The following CNTN5 variants were observed in gnomAD, a reference collection of about 807,000 sequenced individuals.
CNTN5 encodes contactin 5.
A neutral mutation model predicts 129.1 loss-of-function variants in CNTN5; 77 were observed. That is an observed-to-expected ratio of 0.60 (90% CI 0.50 to 0.72). The LOEUF is 0.72. Among genes scored for constraint, CNTN5 ranks in the 30% least tolerant of loss-of-function variants. The probability of loss-of-function intolerance (pLI) is 0.00; values close to 1 mark genes in which losing one functional copy is unlikely to be tolerated. For missense variants in CNTN5, 1,478 were observed against 1,328.8 expected (o/e 1.11, Z -1.75); for synonymous variants, 509 against 465.6 (o/e 1.09, Z -1.20).
chr11:99,863,621 A>C (rs140452464), intron 6 of CNTN5, among the ~76,000 whole-genome samples: 2 of 152,190 alleles, frequency 1.3e-5, no homozygotes, highest in Non-Finnish European at 2.9e-5. Flanking sequence ...TGTTGTACTC[A>C]TCTTAAAAGA....
chr11:100,031,441 G>A (rs944411066), intron 9 of CNTN5, among the ~76,000 whole-genome samples: 3 of 152,094 alleles, frequency 2.0e-5, no homozygotes, highest in South Asian at 2.1e-4. Context: ...AATGGAATGC[G>A]ACCCTTGTGG....
intron 1 of CNTN5, among the ~76,000 whole-genome samples, chr11:99,133,472 C>T (rs976702200): frequency 1.3e-5 from 2 of 151,738 alleles, no homozygotes; most frequent in African/African-American, 4.8e-5. Flanking sequence ...AACAGACAAC[C>T]TACAGATTGG....
intron 4 of CNTN5, among the ~76,000 whole-genome samples, chr11:99,828,250 C>A (rs991424614): frequency 2.0e-5 from 3 of 152,132 alleles, no homozygotes; most frequent in Non-Finnish European, 4.4e-5. Context: ...ATGGCTACTG[C>A]TTCTTTGTAA....
intron 21 of CNTN5, among the ~76,000 whole-genome samples, chr11:100,314,887 GT>G (rs1951547462): frequency 6.6e-6 from 1 of 151,990 alleles, no homozygotes; most frequent in Non-Finnish European, 1.5e-5. Context: ...CTGGCTTTCT[GT>G]ATGTTTCATT....
chr11:99,483,812 C>A (rs1945700425), intron 2 of CNTN5, among the ~76,000 whole-genome samples: 1 of 152,070 alleles, frequency 6.6e-6, no homozygotes, highest in South Asian at 2.1e-4. Flanking sequence ...CTGGGCTAAG[C>A]ACAGTCTCTT....
chr11:100,047,760 G>C (rs947938928), intron 9 of CNTN5, among the ~76,000 whole-genome samples: 3 of 152,236 alleles, frequency 2.0e-5, no homozygotes, highest in South Asian at 2.1e-4. Context: ...TGAATCAGTA[G>C]ATTGAGTAAG....
At chr11:99,591,611 T>C (rs1378879982) in intron 3 of CNTN5, among the ~76,000 whole-genome samples, 1 of 152,170 alleles carries the variant, frequency 6.6e-6, no homozygotes, top group Non-Finnish European at 1.5e-5. Flanking sequence ...GTGCTGGAAT[T>C]ACAGGCGTGA....
chr11:99,266,390 A>C (rs2135841058), intron 1 of CNTN5, among the ~76,000 whole-genome samples: 1 of 152,138 alleles, frequency 6.6e-6, no homozygotes, highest in South Asian at 2.1e-4. Context: ...CTTGAGGCCA[A>C]GAATTCAAGA....
chr11:100,036,562 A>G (rs1942023151), intron 9 of CNTN5, among the ~76,000 whole-genome samples: 1 of 144,640 alleles, frequency 6.9e-6, no homozygotes, highest in Admixed American at 7.0e-5. Flanking sequence ...CTTGGGCAGT[A>G]TGGCCATTTT....
rs140731674 is a variant in CNTN5 at position 99,913,714 on chromosome 11, A to G, written c.578-2340A>G. On this transcript the variant is annotated intron_variant, in intron 6 of 24. Coordinates refer to ENST00000524871, the MANE Select transcript of CNTN5 (RefSeq NM_014361.4). ...ATTTCTAGGGCATGCCTGTACTTCA[A>G]TTCCTCAGAAATAGGCATTAATTTA... 3.9e-3 allele frequency among the ~76,000 whole-genome samples: 597 copies of G among 152,208 alleles called. 2 individuals carry two copies. Among genetic ancestry groups the G allele is most frequent in the African/African-American group, 0.013 (556 of 41,530 alleles).
chr11:99,275,876 C>A (rs909928660), intron 1 of CNTN5, among the ~76,000 whole-genome samples: 2 of 151,532 alleles, frequency 1.3e-5, no homozygotes, highest in Non-Finnish European at 3.0e-5. Flanking sequence ...AAGGCCTATC[C>A]TTTTGATGGG....
intron 13 of CNTN5, among the ~76,000 whole-genome samples, chr11:100,168,948 G>A (rs559238202): frequency 2.6e-5 from 4 of 152,042 alleles, no homozygotes; most frequent in South Asian, 4.1e-4. Flanking sequence ...TGACTCTGAG[G>A]AGTTCAAGAC....
intron 3 of CNTN5, among the ~76,000 whole-genome samples, chr11:99,716,498 CCTT>C (rs1331016296): frequency 7.2e-5 from 11 of 152,066 alleles, no homozygotes; most frequent in South Asian, 2.1e-4. Context: ...ACATTAATCA[CCTT>C]CTTTTCATGC....
intron 8 of CNTN5, among the ~76,000 whole-genome samples, chr11:99,961,003 G>A (rs573650602): frequency 6.6e-6 from 1 of 151,938 alleles, no homozygotes; most frequent in Non-Finnish European, 1.5e-5. Flanking sequence ...AGGAGTTCAA[G>A]ACCAACCCAA....
intron 1 of CNTN5, among the ~76,000 whole-genome samples, chr11:99,027,876 C>T (rs1049419171): frequency 6.6e-6 from 1 of 151,348 alleles, no homozygotes; most frequent in Non-Finnish European, 1.5e-5. Context: ...AAAGATGGCG[C>T]GATAAGTGTA....
chr11:99,369,918 A>G (rs915620361), intron 2 of CNTN5, among the ~76,000 whole-genome samples: 5 of 152,150 alleles, frequency 3.3e-5, no homozygotes, highest in African/African-American at 9.7e-5. Flanking sequence ...TATGCAATGA[A>G]GAAAAAAGTT....
intron 2 of CNTN5, among the ~76,000 whole-genome samples, chr11:99,552,898 A>G (rs900124012): frequency 6.6e-6 from 1 of 152,156 alleles, no homozygotes; most frequent in East Asian, 1.9e-4. Flanking sequence ...CTAACTTGTA[A>G]CCAAGTGGAA....
chr11:99,204,049 A>G (rs773162126), intron 1 of CNTN5, among the ~76,000 whole-genome samples: 2 of 152,202 alleles, frequency 1.3e-5, no homozygotes, highest in Non-Finnish European at 2.9e-5. Flanking sequence ...ACTCTTCTAT[A>G]TAGACATTTT....
intron 2 of CNTN5, among the ~76,000 whole-genome samples, chr11:99,402,001 G>A (rs1941836131): frequency 6.6e-6 from 1 of 152,018 alleles, no homozygotes; most frequent in African/African-American, 2.4e-5. Context: ...GTTTAAGATT[G>A]TATTATGTGC....
Sources: allele counts gnomAD v4.1 joint callset (sites outside exome capture counted in the v4.1 genomes callset), GRCh38; gene constraint gnomAD v4.1.1; transcripts MANE v1.5; gene names NCBI Gene and HGNC (gene_info 2026-07-23, HGNC 2026-07-21).